The following RGS6 variants were observed in gnomAD, a reference collection of about 807,000 sequenced individuals.
The protein encoded by RGS6 is regulator of G protein signaling 6.
A neutral mutation model predicts 78.5 loss-of-function variants in RGS6; 30 were observed. The ratio of observed to expected loss-of-function variants is 0.38; its 90% CI spans 0.29 to 0.52. The LOEUF is 0.52. Ranked by LOEUF, RGS6 falls within the 20% of genes least tolerant of loss-of-function variation. The pLI, the probability that RGS6 is intolerant of heterozygous loss-of-function variation, is 0.85. For synonymous variants in RGS6, 206 were observed against 206.0 expected (o/e 1.00, Z 0.00); for missense variants, 495 against 609.7 (o/e 0.81, Z 1.98).
the RGS6 span, among the ~76,000 whole-genome samples, chr14:71,917,612 T>G: frequency 5.9e-5 from 9 of 152,256 alleles, no homozygotes; most frequent in Admixed American, 5.9e-4. Flanking sequence ...CTGCTCCCTC[T>G]GTCATCATGT....
chr14:72,339,593 T>G (rs1007615761), intron 2 of RGS6, among the ~76,000 whole-genome samples: 2 of 151,770 alleles, frequency 1.3e-5, no homozygotes, highest in African/African-American at 2.4e-5. Flanking sequence ...GAGTGGGAAG[T>G]GGGGCAATGC....
chr14:72,470,140 T>C lies in RGS6; in HGVS notation c.536+57T>C, dbSNP rs371809388. ...AGGAAAAGACTCTGGAATTTGGAAATGGTGTGAAGGTGGGATTGTCAAAGT... is the reference window on the plus strand; with the variant it reads ...AGGAAAAGACTCTGGAATTTGGAAACGGTGTGAAGGTGGGATTGTCAAAGT... On this transcript the variant is annotated intron_variant, in intron 8 of 17. Transcript: ENST00000553525. 2.5e-5 allele frequency: 34 copies of C among 1,336,448 alleles called. No homozygotes were observed. The African/African-American group carries it at 4.6e-4, about 18-fold the overall frequency. The allele number at this position is 1,336,448 out of a possible 1,614,324, so 82.8% of individuals were successfully genotyped here.
intron 3 of RGS6, among the ~76,000 whole-genome samples, chr14:72,374,402 C>T (rs1160380322): frequency 6.6e-6 from 1 of 152,178 alleles, no homozygotes; most frequent in African/African-American, 2.4e-5. Context: ...ATCCATGTCC[C>T]TACAAAGGAC....
intron 17 of RGS6, among the ~76,000 whole-genome samples, chr14:72,545,356 A>C (rs191096477): frequency 6.6e-6 from 1 of 152,242 alleles, no homozygotes; most frequent in African/African-American, 2.4e-5. Context: ...CAGCAAGTGC[A>C]TGTCCTGGGA....
At chr14:72,259,699 A>C (rs943292372) in intron 2 of RGS6, among the ~76,000 whole-genome samples, 6 of 151,558 alleles carry the variant, frequency 4.0e-5, no homozygotes, top group African/African-American at 1.5e-4. Flanking sequence ...CGAGGTCAGG[A>C]GATCGACACC....
intron 2 of RGS6, among the ~76,000 whole-genome samples, chr14:72,057,281 T>C (rs1157036315): frequency 3.0e-5 from 4 of 133,254 alleles, no homozygotes; most frequent in African/African-American, 8.9e-5. Flanking sequence ...GCCATTGCAC[T>C]CTAGCCTGAG....
the RGS6 span, among the ~76,000 whole-genome samples, chr14:72,600,775 G>A: frequency 6.6e-6 from 1 of 152,078 alleles, no homozygotes; most frequent in Non-Finnish European, 1.5e-5. Flanking sequence ...TCACAGGAGG[G>A]CCAGCCAGGC....
At chr14:72,392,998 T>G (rs887759883) in intron 3 of RGS6, among the ~76,000 whole-genome samples, 2 of 152,170 alleles carry the variant, frequency 1.3e-5, no homozygotes, top group Non-Finnish European at 2.9e-5. Context: ...TAAAAGAGAC[T>G]CTCTTAATGG....
chr14:72,445,585 A>G (rs1334651998), intron 3 of RGS6, among the ~76,000 whole-genome samples: 1 of 151,944 alleles, frequency 6.6e-6, no homozygotes, highest in South Asian at 2.1e-4. Context: ...CTAGATTGTG[A>G]TGATGTTTTC....
chr14:72,381,313 CA>C (rs946462463), intron 3 of RGS6, among the ~76,000 whole-genome samples: 1 of 151,680 alleles, frequency 6.6e-6, no homozygotes, highest in Non-Finnish European at 1.5e-5. Context: ...GTTTTCAACA[CA>C]AAAAAAGATA....
intron 3 of RGS6, among the ~76,000 whole-genome samples, chr14:72,414,742 CT>C (rs1566783877): frequency 6.6e-6 from 1 of 152,036 alleles, no homozygotes; most frequent in Non-Finnish European, 1.5e-5. Context: ...TGTGGATGTC[CT>C]TTCTGTTTGT....
intron 15 of RGS6, 91 bp downstream of exon 15, chr14:72,518,628 T>A: frequency 1.6e-6 from 2 of 1,215,084 alleles, no homozygotes; most frequent in Non-Finnish European, 2.3e-6. Context: ...GCATTGTGGG[T>A]AGTTAAAATT....
chr14:72,409,937 C>T (rs1029735040), intron 3 of RGS6, among the ~76,000 whole-genome samples: 6 of 152,130 alleles, frequency 3.9e-5, no homozygotes, highest in Non-Finnish European at 7.4e-5. Flanking sequence ...TGTATATGTG[C>T]CACATTTTCT....
chr14:72,290,702 TA>T (rs2063433190), intron 2 of RGS6, among the ~76,000 whole-genome samples: 1 of 152,218 alleles, frequency 6.6e-6, no homozygotes, highest in African/African-American at 2.4e-5. Flanking sequence ...AAAATGCGCT[TA>T]ATTAGAAACT....
rs1035862814 is a variant in RGS6 at position 72,028,183 on chromosome 14, C to A, written c.84+63308C>A. ...GGTTGGAAGTCATTTTCTTTTTCAT[C>A]AATCTCAACTACTGAACCTATTTCT... On this transcript the variant is annotated intron_variant, in intron 2 of 17. Transcript: ENST00000553525. Among the ~76,000 whole-genome samples, 4 of 152,326 alleles carry A rather than the reference C, an allele frequency of 2.6e-5. No homozygotes were observed. In the East Asian group the frequency reaches 7.7e-4, roughly 29 times the overall value.
intron 3 of RGS6, among the ~76,000 whole-genome samples, chr14:72,358,403 C>T (rs2080809987): frequency 6.6e-6 from 1 of 152,260 alleles, no homozygotes; most frequent in Non-Finnish European, 1.5e-5. Context: ...TAAACACCAG[C>T]TGTGCAAGCA....
chr14:72,540,131 T>C, intron 17 of RGS6, 37 bp downstream of exon 17: 5 of 1,556,862 alleles, frequency 3.2e-6, no homozygotes, highest in Non-Finnish European at 4.3e-6. Context: ...AGCTTTTCTT[T>C]TGGTTTTGGT....
At chr14:71,950,762 C>T (rs1489620666) in intron 1 of RGS6, among the ~76,000 whole-genome samples, 1 of 152,094 alleles carries the variant, frequency 6.6e-6, no homozygotes, top group African/African-American at 2.4e-5. Flanking sequence ...CTTGAACAGA[C>T]ACTTGTCAAA....
intron 3 of RGS6, among the ~76,000 whole-genome samples, chr14:72,366,263 A>G (rs765389098): frequency 1.3e-5 from 2 of 152,154 alleles, no homozygotes; most frequent in Non-Finnish European, 2.9e-5. Flanking sequence ...ATGAAGAGGG[A>G]GAAGGAATGC....
Sources: gnomAD v4.1 joint callset for allele counts (sites outside exome capture counted in the v4.1 genomes callset) on GRCh38, gnomAD v4.1.1 for gene constraint, MANE v1.5 for transcripts, NCBI Gene and HGNC (gene_info 2026-07-23, HGNC 2026-07-21) for gene names.